SLC8A1: variants seen among roughly 807,000 people sequenced by gnomAD.
SLC8A1 encodes the protein solute carrier family 8 member A1, also known as sodium/calcium exchanger 1.
A neutral mutation model predicts 68.3 loss-of-function variants in SLC8A1; 18 were observed. That is an observed-to-expected ratio of 0.26 (90% CI 0.18 to 0.39). The LOEUF is 0.39. Among genes scored for constraint, SLC8A1 ranks in the 10% least tolerant of loss-of-function variants. The pLI is 1.00. For missense variants in SLC8A1, 985 were observed against 1,156.7 expected (o/e 0.85, Z 2.15); for synonymous variants, 475 against 415.5 (o/e 1.14, Z -1.74).
chr2:40,121,262 C>T (rs889677296), intron 7 of SLC8A1, among the ~76,000 whole-genome samples: 4 of 152,118 alleles, frequency 2.6e-5, no homozygotes, highest in Non-Finnish European at 4.4e-5. Flanking sequence ...TTATTTATAC[C>T]AAGGCTTGAG....
intron 1 of SLC8A1, among the ~76,000 whole-genome samples, chr2:40,439,297 A>G (rs1559692620): frequency 6.6e-6 from 1 of 152,196 alleles, no homozygotes; most frequent in Non-Finnish European, 1.5e-5. Context: ...ATAAAGGGAC[A>G]TCTTCAGAGA....
upstream of SLC8A1, among the ~76,000 whole-genome samples, chr2:40,455,724 T>C (rs1014288665): frequency 6.6e-6 from 1 of 152,202 alleles, no homozygotes; most frequent in African/African-American, 2.4e-5. Flanking sequence ...GAATTCTTTG[T>C]TGACTTCTAA....
chr2:40,124,249 G>A (rs1396296537), intron 7 of SLC8A1, among the ~76,000 whole-genome samples: 1 of 152,196 alleles, frequency 6.6e-6, no homozygotes, highest in Non-Finnish European at 1.5e-5. Context: ...GATTATACTG[G>A]TGTGATTCTA....
Position 40,222,470 on chromosome 2 carries a change from A to C in SLC8A1, c.1809-44615T>G, listed in dbSNP as rs544243834. Among the ~76,000 whole-genome samples the C allele has an allele frequency of 5.3e-5, 8 of 152,312 alleles. No individual in the cohort carries two copies. In the South Asian group the frequency reaches 1.2e-3, roughly 24 times the overall value. On this transcript the variant is annotated intron_variant, in intron 2 of 7. Coordinates refer to ENST00000406785, the Ensembl canonical transcript of SLC8A1. Reference sequence around the variant, plus strand: ...CCATTCAGGACATAGGCATGGGCAAAGACTTCATGACTAAAACACTAAAAG... The same window carrying C: ...CCATTCAGGACATAGGCATGGGCAACGACTTCATGACTAAAACACTAAAAG...
intron 4 of SLC8A1, among the ~76,000 whole-genome samples, chr2:40,172,259 G>A (rs2047629909): frequency 6.6e-6 from 1 of 152,194 alleles, no homozygotes; most frequent in Non-Finnish European, 1.5e-5. Flanking sequence ...AGGAAAAGAA[G>A]GGTCATGTAA....
chr2:40,168,235 GGAAGGAAGCCTTCCTTTCCT>G (rs1173570419), intron 4 of SLC8A1, among the ~76,000 whole-genome samples: 2 of 152,114 alleles, frequency 1.3e-5, no homozygotes, highest in African/African-American at 4.8e-5. Context: ...AGGGAGTCAG[GGAAGGAAGCCTTCCTTTCCT>G]GAAGGAAGCT....
At chr2:40,276,842 C>T (rs1434380013) in intron 2 of SLC8A1, among the ~76,000 whole-genome samples, 2 of 152,140 alleles carry the variant, frequency 1.3e-5, no homozygotes, top group African/African-American at 4.8e-5. Flanking sequence ...AAATGATTTA[C>T]ATTTGTTGTG....
At chr2:40,498,468 G>A (rs1212361670) in intron 1 of SLC8A1, among the ~76,000 whole-genome samples, 4 of 152,056 alleles carry the variant, frequency 2.6e-5, no homozygotes, top group Non-Finnish European at 4.4e-5. Context: ...TCAAATTAAA[G>A]TCATTCTAAC....
chr2:40,104,329 C>A (rs2034070148), exon 8 of SLC8A1: 1 of 152,118 alleles, frequency 6.6e-6, no homozygotes, highest in Non-Finnish European at 1.5e-5. Context: ...AATGGTGAGG[C>A]AAATGATCTT....
At chr2:40,151,469 C>G (rs190493175) in intron 6 of SLC8A1, among the ~76,000 whole-genome samples, 33 of 152,148 alleles carry the variant, frequency 2.2e-4, no homozygotes, top group African/African-American at 7.5e-4. Context: ...AGAGAAATAG[C>G]GATGAACAGG....
chr2:40,435,398 T>A (rs950246503), intron 1 of SLC8A1, among the ~76,000 whole-genome samples: 2 of 142,470 alleles, frequency 1.4e-5, no homozygotes, highest in African/African-American at 5.3e-5. Flanking sequence ...TATCAGACCA[T>A]GGCCAGATTT....
exon 2 of SLC8A1, chr2:40,429,434 G>C: frequency 6.2e-7 from 1 of 1,613,764 alleles, no homozygotes; most frequent in African/African-American, 1.3e-5. Context: ...TTAGAAGATG[G>C]CCTGTCTCCT....
chr2:40,139,735 C>A, intron 6 of SLC8A1, 59 bp from the exon 10 acceptor site: 1 of 1,554,562 alleles, frequency 6.4e-7, no homozygotes, highest in South Asian at 1.2e-5. Context: ...GTCTTCCTCT[C>A]TCTCAATCTC....
At chr2:40,148,920 T>G (rs2042934496) in intron 6 of SLC8A1, among the ~76,000 whole-genome samples, 1 of 152,172 alleles carries the variant, frequency 6.6e-6, no homozygotes, top group African/African-American at 2.4e-5. Context: ...CTGACAATCT[T>G]GTTTGTCTGT....
chr2:40,306,449 TTG>T (rs1491091190), intron 2 of SLC8A1, among the ~76,000 whole-genome samples: 4 of 133,786 alleles, frequency 3.0e-5, no homozygotes, highest in Non-Finnish European at 6.3e-5. Context: ...AAAGGAATGG[TTG>T]TGGGGGGGGG....
At chr2:40,165,941 A>G (rs529475857) in intron 4 of SLC8A1, among the ~76,000 whole-genome samples, 3 of 152,270 alleles carry the variant, frequency 2.0e-5, no homozygotes, top group South Asian at 2.1e-4. Flanking sequence ...AAGACAAGCT[A>G]CTTCTTCTCA....
chr2:40,143,782 A>T (rs2041995231), intron 6 of SLC8A1, among the ~76,000 whole-genome samples: 1 of 152,206 alleles, frequency 6.6e-6, no homozygotes. Context: ...TTTCTTTTAA[A>T]GTAAACAGGT....
At chr2:40,287,582 A>ATATGTGTGTGTGTGTGTGTGTGTG (rs1553475923) in intron 2 of SLC8A1, among the ~76,000 whole-genome samples, 11 of 127,576 alleles carry the variant, frequency 8.6e-5, no homozygotes, top group African/African-American at 3.0e-4. Context: ...CAGAGGAATG[A>ATATGTGTGTGTGTGTGTGTGTGTG]TGTGTGTGTG....
intron 2 of SLC8A1, among the ~76,000 whole-genome samples, chr2:40,278,929 G>T (rs2067140639): frequency 6.6e-6 from 1 of 152,076 alleles, no homozygotes; most frequent in South Asian, 2.1e-4. Flanking sequence ...TCAAAGCCCA[G>T]ATGCTTAAAT....
Sources: gnomAD v4.1 joint callset for allele counts (sites outside exome capture counted in the v4.1 genomes callset) on GRCh38, gnomAD v4.1.1 for gene constraint, MANE v1.5 for transcripts, NCBI Gene and HGNC (gene_info 2026-07-23, HGNC 2026-07-21) for gene names.